The following XBP1 variants were observed in gnomAD, a reference collection of about 807,000 sequenced individuals.
XBP1 encodes the protein X-box binding protein 1.
XBP1 carries 18 observed loss-of-function variants against 34.6 expected under a neutral mutation model. That is an observed-to-expected ratio of 0.52 (90% CI 0.36 to 0.77). The LOEUF is 0.77. Ranked by LOEUF, XBP1 falls within the 30% of genes least tolerant of loss-of-function variation. XBP1 has a pLI of 0.00. For missense variants in XBP1, 422 were observed against 464.6 expected (o/e 0.91, Z 0.84); for synonymous variants, 191 against 193.4 (o/e 0.99, Z 0.11).
At chr22:28,795,154 G>A (rs2031720641), downstream of XBP1, 2 of 1,471,152 alleles carry the variant, frequency 1.4e-6, no homozygotes, top group Non-Finnish European at 1.8e-6. Flanking sequence ...AAGGAAAAGG[G>A]CAACAGTATT....
intron 1 of XBP1, 122 bp from the exon 2 acceptor site, chr22:28,799,275 A>G: frequency 1.5e-6 from 1 of 674,546 alleles, no homozygotes; most frequent in Non-Finnish European, 2.5e-6. Flanking sequence ...TAATGATAAA[A>G]TACACTTCAG....
At chr22:28,798,331 T>C (rs1555948875) in intron 2 of XBP1, among the ~76,000 whole-genome samples, 1 of 121,090 alleles carries the variant, frequency 8.3e-6, no homozygotes, top group Non-Finnish European at 1.7e-5. Context: ...ACAGGGTTTT[T>C]GCTCTGTCGC....
upstream of XBP1, chr22:28,800,546 C>G (rs138290856): frequency 4.8e-6 from 7 of 1,473,430 alleles, no homozygotes; most frequent in South Asian, 1.3e-5. Flanking sequence ...ACGCACCGCG[C>G]ACCGCGCGCC....
exon 6 of XBP1, chr22:28,795,534 G>C: frequency 6.2e-7 from 1 of 1,614,122 alleles, no homozygotes; most frequent in Admixed American, 1.7e-5. Context: ...GTATATATGT[G>C]GTCAAAACGA....
downstream of XBP1, chr22:28,795,064 G>A: frequency 2.9e-6 from 3 of 1,048,504 alleles, no homozygotes; most frequent in Non-Finnish European, 2.7e-6. Flanking sequence ...GAATTCTCTA[G>A]GACTGTATAC....
chr22:28,797,859 A>T (rs1366046521), intron 2 of XBP1, among the ~76,000 whole-genome samples: 1 of 151,918 alleles, frequency 6.6e-6, no homozygotes, highest in African/African-American at 2.4e-5. Flanking sequence ...GGCAGGTAAT[A>T]ATAAAAGTGG....
At chr22:28,800,532 G>GACTACGC (rs749550966), upstream of XBP1, 14 of 1,483,504 alleles carry the variant, frequency 9.4e-6, no homozygotes, top group Admixed American at 7.2e-5. Context: ...CATAGCTCCA[G>GACTACGC]ACTACGCACC....
At chr22:28,797,922 C>T (rs980275984) in intron 2 of XBP1, among the ~76,000 whole-genome samples, 9 of 152,082 alleles carry the variant, frequency 5.9e-5, no homozygotes, top group African/African-American at 2.2e-4. Context: ...GCTCCTGACT[C>T]ATGATTCTTA....
intron 5 of XBP1, 112 bp downstream of exon 5, chr22:28,795,935 A>T (rs1196720729): frequency 6.9e-7 from 1 of 1,441,704 alleles, no homozygotes. Flanking sequence ...TTCACCTCCA[A>T]CCCCACCAAA....
intron 1 of XBP1, chr22:28,799,987 AC>A: frequency 1.3e-6 from 1 of 779,570 alleles, no homozygotes; most frequent in Non-Finnish European, 2.4e-6. Context: ...AGGCTGAACC[AC>A]CAGTCTGCGG....
chr22:28,795,865 C>A, intron 5 of XBP1, 133 bp from the exon 6 acceptor site: 2 of 1,203,084 alleles, frequency 1.7e-6, no homozygotes, highest in Non-Finnish European at 2.3e-6. Context: ...CCCACCAGAC[C>A]CATTTATCTA....
At chr22:28,798,890 G>A (rs1367886964) in intron 2 of XBP1, 167 bp downstream of exon 2, 1 of 549,794 alleles carries the variant, frequency 1.8e-6, no homozygotes, top group Non-Finnish European at 3.2e-6. Flanking sequence ...CAAAGTGCTG[G>A]GATTACAGGC....
At chr22:28,797,769 T>TG (rs2031776403) in intron 2 of XBP1, among the ~76,000 whole-genome samples, 1 of 151,344 alleles carries the variant, frequency 6.6e-6, no homozygotes, top group African/African-American at 2.4e-5. Context: ...GGCAACAGAG[T>TG]GAGACTCCAT....
At chr22:28,799,013 A>C in intron 2 of XBP1, 44 bp downstream of exon 2, 1 of 1,472,074 alleles carries the variant, frequency 6.8e-7, no homozygotes, top group Non-Finnish European at 9.5e-7. Context: ...TCACCAAGGA[A>C]GGGTATACAA....
intron 2 of XBP1, 101 bp downstream of exon 2, chr22:28,798,956 T>G: frequency 1.1e-6 from 1 of 908,744 alleles, no homozygotes; most frequent in Non-Finnish European, 1.7e-6. Context: ...AATTGTATTC[T>G]AATAGGGGCT....
At chr22:28,798,369 C>A (rs534144992) in intron 2 of XBP1, among the ~76,000 whole-genome samples, 2 of 145,100 alleles carry the variant, frequency 1.4e-5, no homozygotes, top group Non-Finnish European at 3.0e-5. Context: ...GGCATGATCT[C>A]GTGATCTCAG....
intron 2 of XBP1, 124 bp downstream of exon 2, chr22:28,798,933 T>C (rs1019673314): frequency 1.3e-6 from 1 of 754,960 alleles, no homozygotes; most frequent in Admixed American, 2.7e-5. Context: ...GTTTAACTTT[T>C]AATCATATAT....
At chr22:28,800,427 C>A in exon 1 of XBP1, 3 of 1,488,392 alleles carry the variant, frequency 2.0e-6, no homozygotes, top group South Asian at 1.3e-5. Flanking sequence ...CAGGGCCTGG[C>A]CGGCCGGGGC....
chr22:28,800,222 G>T, intron 1 of XBP1, 76 bp downstream of exon 1: 1 of 1,492,440 alleles, frequency 6.7e-7, no homozygotes, highest in Non-Finnish European at 9.1e-7. Flanking sequence ...CTGGGTCCCC[G>T]CTCCCAGCCC....
Sources: gnomAD v4.1 joint callset for allele counts (sites outside exome capture counted in the v4.1 genomes callset) on GRCh38, gnomAD v4.1.1 for gene constraint, MANE v1.5 for transcripts, NCBI Gene and HGNC (gene_info 2026-07-23, HGNC 2026-07-21) for gene names.